KATNA1: variants seen among roughly 807,000 people sequenced by gnomAD.
KATNA1 encodes katanin catalytic subunit A1.
A neutral mutation model predicts 62.6 loss-of-function variants in KATNA1; 42 were observed. The ratio of observed to expected loss-of-function variants is 0.67; its 90% confidence interval spans 0.52 to 0.87. The LOEUF (loss-of-function observed/expected upper bound fraction) is 0.87. KATNA1 is among the 40% of genes least tolerant of loss of function. The pLI is 0.00. For synonymous variants in KATNA1, 186 were observed against 201.9 expected (o/e 0.92, Z 0.67); for missense variants, 498 against 612.5 (o/e 0.81, Z 1.97).
chr6:149,610,237 G>A (rs1050879388), intron 4 of KATNA1, among the ~76,000 whole-genome samples: 2 of 151,034 alleles, frequency 1.3e-5, no homozygotes, highest in African/African-American at 2.4e-5. Flanking sequence ...GGAGTTCAAG[G>A]TTGCATTGAG....
intron 4 of KATNA1, among the ~76,000 whole-genome samples, chr6:149,610,134 A>G (rs1212202628): frequency 1.3e-5 from 2 of 151,538 alleles, no homozygotes; most frequent in Non-Finnish European, 2.9e-5. Context: ...TGTCTCTACA[A>G]AATAAAAATT....
rs144760181 is a variant in KATNA1 at position 149,640,274 on chromosome 6, C to T, written c.-13-1714G>A. Among the ~76,000 whole-genome samples, 1,394 of 151,876 alleles carry T rather than the reference C, an allele frequency of 9.2e-3. 22 individuals carry two copies. Among genetic ancestry groups the T allele is most frequent in the African/African-American group, 0.032 (1,335 of 41,390 alleles). On this transcript the variant is annotated intron_variant, in intron 1 of 10. Coordinates refer to ENST00000367411, the MANE Select transcript of KATNA1 (RefSeq NM_007044.4). Reference sequence around the variant, plus strand: ...GAGTTCAAGACCAGCCTGGGCAACACGGCAAAACCCCATCTCTACAAAAAA... The same window carrying T: ...GAGTTCAAGACCAGCCTGGGCAACATGGCAAAACCCCATCTCTACAAAAAA...
chr6:149,638,594 G>A, intron 1 of KATNA1, 34 bp from the exon 2 acceptor site: 1 of 1,444,092 alleles, frequency 6.9e-7, no homozygotes, highest in Non-Finnish European at 9.5e-7. Flanking sequence ...AACACTTTAG[G>A]TTTACATGTC....
chr6:149,635,761 A>G (rs1043854260), intron 2 of KATNA1, among the ~76,000 whole-genome samples: 5 of 151,610 alleles, frequency 3.3e-5, no homozygotes, highest in African/African-American at 7.3e-5. Flanking sequence ...TTTTACCACA[A>G]TAAGAAAATG....
chr6:149,634,225 A>T (rs1013158035), intron 2 of KATNA1, among the ~76,000 whole-genome samples: 113 of 151,004 alleles, frequency 7.5e-4, no homozygotes, highest in African/African-American at 2.7e-3. Context: ...GTGAGCCGAG[A>T]TCGCACCATT....
chr6:149,611,222 A>G (rs1267922426), intron 4 of KATNA1, among the ~76,000 whole-genome samples: 1 of 152,236 alleles, frequency 6.6e-6, no homozygotes, highest in Non-Finnish European at 1.5e-5. Context: ...GCACTTTGGG[A>G]GGCCAAGGCA....
Position 149,647,231 on chromosome 6 carries a change from GAAC to G in KATNA1, c.-14+1235_-14+1237del, listed in dbSNP as rs754831990. Among the ~76,000 whole-genome samples the G allele has an allele frequency of 3.3e-5, 5 of 151,228 alleles. No homozygotes were observed. The East Asian group carries it at 5.8e-4, about 18-fold the overall frequency. ...GTTTTGCTCCTATTTCTTGGTATAA[GAAC>G]AAAAACCGGCCGGGCGCAGTGGCTC... is the stretch of plus-strand genomic sequence containing the variant. On this transcript the variant is annotated intron_variant, in intron 1 of 10. Transcript: ENST00000367411.
intron 4 of KATNA1, among the ~76,000 whole-genome samples, chr6:149,611,935 G>A (rs1449375507): frequency 6.6e-6 from 1 of 152,072 alleles, no homozygotes; most frequent in African/African-American, 2.4e-5. Context: ...AGGAGGCGGA[G>A]CTTGCAGTGA....
chr6:149,636,430 T>C (rs1004921578), intron 2 of KATNA1, among the ~76,000 whole-genome samples: 2 of 149,502 alleles, frequency 1.3e-5, no homozygotes, highest in African/African-American at 4.9e-5. Flanking sequence ...AAATAAAAGA[T>C]AAATAAAATA....
chr6:149,610,243 T>C (rs535604418), intron 4 of KATNA1, among the ~76,000 whole-genome samples: 19 of 149,910 alleles, frequency 1.3e-4, no homozygotes, highest in East Asian at 6.0e-4. Context: ...CAAGGTTGCA[T>C]TGAGCTATGA....
At chr6:149,645,509 T>C (rs1378124599) in intron 1 of KATNA1, among the ~76,000 whole-genome samples, 4 of 150,366 alleles carry the variant, frequency 2.7e-5, no homozygotes, top group Non-Finnish European at 5.9e-5. Flanking sequence ...GTAAGCACCA[T>C]GAACTATAAA....
Position 149,602,963 on chromosome 6 carries a change from C to T in KATNA1, c.729+305G>A, listed in dbSNP as rs182330298. Among the ~76,000 whole-genome samples, 549 of 152,144 alleles carry T rather than the reference C, an allele frequency of 3.6e-3. 3 individuals carry two copies. The highest frequency in any genetic ancestry group is 0.013 in the African/African-American group (522 of 41,524). ...CTCGAACTCCTGACCTCAGGTGATC[C>T]GCCCGCCTCGGCCTCCTAAAGTGCT... On this transcript the variant is annotated intron_variant, in intron 6 of 10. Coordinates refer to ENST00000367411, the MANE Select transcript of KATNA1 (RefSeq NM_007044.4).
chr6:149,628,360 C>T (rs1015822131), intron 3 of KATNA1, among the ~76,000 whole-genome samples: 2 of 150,998 alleles, frequency 1.3e-5, no homozygotes, highest in African/African-American at 4.9e-5. Context: ...CCGCCCGCCT[C>T]GACCTCCCAA....
intron 4 of KATNA1, among the ~76,000 whole-genome samples, chr6:149,607,288 TAGTAC>T (rs1399912725): frequency 1.3e-5 from 2 of 152,200 alleles, no homozygotes; most frequent in Admixed American, 6.5e-5. Context: ...TTAGTTGAAG[TAGTAC>T]AATTTCTTTT....
rs574711355 is a variant in KATNA1 at position 149,629,656 on chromosome 6, G to A, written c.320+3103C>T. 8.1e-4 allele frequency among the ~76,000 whole-genome samples: 121 copies of A among 148,902 alleles called. 1 individual carries two copies. Among genetic ancestry groups the A allele is most frequent in the African/African-American group, 2.9e-3 (116 of 40,128 alleles). On this transcript the variant is annotated intron_variant, in intron 3 of 10. Transcript: ENST00000367411. ...ATTAGTTCTACTTCTGAAATTAGGG[G>A]AAAAAATTATAAATGTGGAAAAATT...
chr6:149,632,778 G>A lies in KATNA1; in HGVS notation c.301C>T (p.Pro101Ser), dbSNP rs1469576234. ...ACTTACCTTCGTTCAACAGGTACAGGCATGGACCAGACTTCTCCCTCAGAA... is the reference window on the plus strand; with the variant it reads ...ACTTACCTTCGTTCAACAGGTACAGACATGGACCAGACTTCTCCCTCAGAA... The part of the protein sequence containing the change: ...PASEGEVWSM[P>S]VPVERRPSPG... Residue 101 changes from proline to serine, a missense_variant, in exon 3 of 11, where the codon CCT becomes TCT. Transcript: ENST00000367411. 4 of 1,612,322 alleles carry A rather than the reference G, an allele frequency of 2.5e-6. No individual in the cohort carries two copies. Among genetic ancestry groups the A allele is most frequent in the Non-Finnish European group, 3.4e-6 (4 of 1,179,532 alleles).
At chr6:149,631,894 A>G (rs1779855029) in intron 3 of KATNA1, among the ~76,000 whole-genome samples, 1 of 152,160 alleles carries the variant, frequency 6.6e-6, no homozygotes, top group Non-Finnish European at 1.5e-5. Context: ...TGGTAGTAGG[A>G]AGTTGGGGAA....
chr6:149,598,551 C>T (rs993599961), intron 7 of KATNA1, among the ~76,000 whole-genome samples: 1 of 151,466 alleles, frequency 6.6e-6, no homozygotes, highest in Admixed American at 6.6e-5. Context: ...AGCAAGACTC[C>T]ATCTCTACAG....
rs554799664 is a variant in KATNA1, at chr6:149,627,377, C to T, written c.321-4094G>A. Among the ~76,000 whole-genome samples, 9 of 151,646 alleles carry T rather than the reference C, an allele frequency of 5.9e-5. No individual in the cohort carries two copies. The East Asian group carries it at 1.5e-3, about 26-fold the overall frequency. Reference sequence around the variant, plus strand: ...AGTCAGGAGTTCGAGACTAGCCTGGCAAATATGGCGAAACCCTGTCTACTA... The same window carrying T: ...AGTCAGGAGTTCGAGACTAGCCTGGTAAATATGGCGAAACCCTGTCTACTA... On this transcript the variant is annotated intron_variant, in intron 3 of 10. Coordinates refer to ENST00000367411, the MANE Select transcript of KATNA1 (RefSeq NM_007044.4).
Sources: gnomAD v4.1 joint callset for allele counts (sites outside exome capture counted in the v4.1 genomes callset) on GRCh38, gnomAD v4.1.1 for gene constraint, MANE v1.5 for transcripts, NCBI Gene and HGNC (gene_info 2026-07-23, HGNC 2026-07-21) for gene names.